Variants in SCARA3 observed in about 807,000 individuals in gnomAD.
SCARA3 encodes the protein scavenger receptor class A member 3.
In SCARA3, 39 loss-of-function variants were observed where a neutral mutation model predicts 47.0. The ratio of observed to expected loss-of-function variants is 0.83; its 90% CI spans 0.64 to 1.08. SCARA3 has a LOEUF of 1.08. SCARA3 is among the 50% of genes least tolerant of loss of function. The pLI is 0.00. For missense variants in SCARA3, 724 were observed against 792.3 expected (o/e 0.91, Z 1.04); for synonymous variants, 356 against 334.1 (o/e 1.07, Z -0.71).
the SCARA3 span, among the ~76,000 whole-genome samples, chr8:27,716,632 A>G: frequency 9.9e-5 from 15 of 152,252 alleles, no homozygotes; most frequent in Admixed American, 6.5e-5. Context: ...TAATAAATGT[A>G]GACAGAATGG....
chr8:27,707,158 C>T, the SCARA3 span, among the ~76,000 whole-genome samples: 6 of 152,124 alleles, frequency 3.9e-5, no homozygotes, highest in East Asian at 1.2e-3. Context: ...TTTTGTCCTA[C>T]CTGCTGATGG....
the SCARA3 span, among the ~76,000 whole-genome samples, chr8:27,709,767 G>A: frequency 6.6e-6 from 1 of 152,108 alleles, no homozygotes; most frequent in African/African-American, 2.4e-5. Context: ...CCTGGTTCCA[G>A]CCAACTGTGA....
chr8:27,723,774 C>T, the SCARA3 span, among the ~76,000 whole-genome samples: 1 of 152,210 alleles, frequency 6.6e-6, no homozygotes, highest in East Asian at 1.9e-4. Flanking sequence ...CTCGCTCTGT[C>T]TCCCAGGCTG....
intron 3 of SCARA3, among the ~76,000 whole-genome samples, chr8:27,656,386 G>C (rs1470985463): frequency 6.6e-6 from 1 of 152,178 alleles, no homozygotes; most frequent in Non-Finnish European, 1.5e-5. Flanking sequence ...GCAGGTAAGA[G>C]GGGAACACTG....
At chr8:27,660,479 G>A (rs1801873349) in intron 5 of SCARA3, among the ~76,000 whole-genome samples, 1 of 143,398 alleles carries the variant, frequency 7.0e-6, no homozygotes, top group Non-Finnish European at 1.5e-5. Flanking sequence ...AGATGATAGG[G>A]ATGATAGAAA....
At chr8:27,695,119 A>G in the SCARA3 span, among the ~76,000 whole-genome samples, 1 of 152,224 alleles carries the variant, frequency 6.6e-6, no homozygotes, top group Non-Finnish European at 1.5e-5. Context: ...GAGAGATGCC[A>G]TTAACACCTT....
At chr8:27,649,459 G>T (rs1801583295) in intron 1 of SCARA3, among the ~76,000 whole-genome samples, 2 of 152,250 alleles carry the variant, frequency 1.3e-5, no homozygotes, top group African/African-American at 2.4e-5. Context: ...GGTGGCCCAT[G>T]TGTCTTTCCC....
the SCARA3 span, among the ~76,000 whole-genome samples, chr8:27,726,163 T>A: frequency 1.3e-5 from 2 of 152,158 alleles, no homozygotes; most frequent in Non-Finnish European, 2.9e-5. Context: ...TAGAAGCACT[T>A]TGGGAGCCCG....
At chr8:27,723,616 C>T in the SCARA3 span, among the ~76,000 whole-genome samples, 10 of 152,304 alleles carry the variant, frequency 6.6e-5, no homozygotes, top group Non-Finnish European at 4.4e-5. Flanking sequence ...CTCCTAGCTT[C>T]CTGGCCCAGA....
chr8:27,684,342 G>A, the SCARA3 span, among the ~76,000 whole-genome samples: 1 of 152,190 alleles, frequency 6.6e-6, no homozygotes, highest in South Asian at 2.1e-4. Context: ...GTAGAGGAAT[G>A]TGGCTGAGGC....
the SCARA3 span, among the ~76,000 whole-genome samples, chr8:27,688,048 G>A: frequency 6.6e-6 from 1 of 152,104 alleles, no homozygotes; most frequent in Non-Finnish European, 1.5e-5. Context: ...GGAAGAACTA[G>A]GAATCTGATG....
chr8:27,716,150 A>G, the SCARA3 span, among the ~76,000 whole-genome samples: 2 of 152,042 alleles, frequency 1.3e-5, no homozygotes, highest in Non-Finnish European at 2.9e-5. Context: ...TACAAGAAAA[A>G]AAAAAGTTTT....
At chr8:27,701,087 G>T in the SCARA3 span, 1 of 125,328 alleles carries the variant, frequency 8.0e-6, no homozygotes, top group Non-Finnish European at 1.9e-5. Flanking sequence ...ATACTCACCA[G>T]TAAAAAAAAA....
chr8:27,695,061 G>T, the SCARA3 span, among the ~76,000 whole-genome samples: 1 of 152,166 alleles, frequency 6.6e-6, no homozygotes, highest in Admixed American at 6.5e-5. Flanking sequence ...CCAAATATAA[G>T]AGATAAAGAA....
At chr8:27,647,439 G>A (rs495152) in intron 1 of SCARA3, among the ~76,000 whole-genome samples, 28,016 of 152,164 alleles carry the variant, frequency 0.18, 3,168 homozygotes, top group Middle Eastern at 0.33. Context: ...AAGCTCCCCA[G>A]AGAGCTCCAC....
intron 3 of SCARA3, among the ~76,000 whole-genome samples, chr8:27,655,184 C>T (rs1013828712): frequency 5.3e-5 from 8 of 152,104 alleles, no homozygotes; most frequent in Non-Finnish European, 1.0e-4. Flanking sequence ...TTAGAGTCAT[C>T]GAGCTCCACA....
intron 1 of SCARA3, among the ~76,000 whole-genome samples, chr8:27,637,271 C>A (rs35722601): frequency 1.7e-3 from 252 of 152,372 alleles, no homozygotes; most frequent in African/African-American, 5.7e-3. Flanking sequence ...GCACCTGGCC[C>A]CTCTCACACG....
the SCARA3 span, among the ~76,000 whole-genome samples, chr8:27,685,781 A>G: frequency 2.0e-5 from 3 of 152,316 alleles, no homozygotes; most frequent in African/African-American, 7.2e-5. Context: ...CCTACGTGTA[A>G]TCAAGCCTCT....
intron 1 of SCARA3, among the ~76,000 whole-genome samples, chr8:27,643,406 A>G (rs1258549806): frequency 6.6e-6 from 1 of 152,136 alleles, no homozygotes; most frequent in Non-Finnish European, 1.5e-5. Context: ...CGAGTGCTGG[A>G]GGAGAGAAAC....
Sources: allele counts gnomAD v4.1 joint callset (sites outside exome capture counted in the v4.1 genomes callset), GRCh38; gene constraint gnomAD v4.1.1; transcripts MANE v1.5; gene names NCBI Gene and HGNC (gene_info 2026-07-23, HGNC 2026-07-21).